The following ST8SIA5 variants were observed in gnomAD, a reference collection of about 807,000 sequenced individuals.
ST8SIA5 encodes the protein ST8 alpha-N-acetyl-neuraminide alpha-2,8-sialyltransferase 5, also known as alpha-2,8-sialyltransferase 8E.
ST8SIA5 carries 24 observed loss-of-function variants against 40.2 expected under a neutral mutation model. That is an observed-to-expected ratio of 0.60 (90% CI 0.43 to 0.84). ST8SIA5 has a LOEUF of 0.84. Ranked by LOEUF, ST8SIA5 falls within the 40% of genes least tolerant of loss-of-function variation. The pLI, the probability that ST8SIA5 is intolerant of heterozygous loss-of-function variation, is 0.00. For missense variants in ST8SIA5, 465 were observed against 498.5 expected, an observed-to-expected ratio of 0.93 and a Z score of 0.64; for synonymous variants, 198 against 201.8, an observed-to-expected ratio of 0.98 and a Z score of 0.16.
chr18:46,737,753 C>A (rs2144554899), intron 1 of ST8SIA5, among the ~76,000 whole-genome samples: 1 of 152,174 alleles, frequency 6.6e-6, no homozygotes, highest in Non-Finnish European at 1.5e-5. Flanking sequence ...GCCTCATGAT[C>A]CCTTAGTGAA....
intron 1 of ST8SIA5, among the ~76,000 whole-genome samples, chr18:46,742,949 G>C (rs535612482): frequency 3.7e-4 from 56 of 152,304 alleles, no homozygotes; most frequent in African/African-American, 1.3e-3. Context: ...GGACCTCCAG[G>C]AAACTCCAAT....
chr18:46,727,203 G>A (rs919570433), intron 1 of ST8SIA5, among the ~76,000 whole-genome samples: 2 of 152,218 alleles, frequency 1.3e-5, no homozygotes, highest in South Asian at 4.1e-4. Context: ...TTACTCAAAA[G>A]TTATGTGCCT....
rs899439250 is a variant in ST8SIA5, at chr18:46,706,735, C to T, written c.132-2071G>A. On this transcript the variant is annotated intron_variant, in intron 1 of 6. Transcript: ENST00000315087. Reference sequence around the variant, plus strand: ...CAATTTAGGTTCAGCCAGTTAGAAGCATTTGCATGAGATGGATTCAGACCT... The same window carrying T: ...CAATTTAGGTTCAGCCAGTTAGAAGTATTTGCATGAGATGGATTCAGACCT... Among the ~76,000 whole-genome samples, 40 of 152,142 alleles carry T rather than the reference C, an allele frequency of 2.6e-4. 1 individual carries two copies. The highest frequency in any genetic ancestry group is 2.6e-3 in the Admixed American group (40 of 15,270).
chr18:46,715,433 GA>G (rs1374411563), intron 1 of ST8SIA5, among the ~76,000 whole-genome samples: 1 of 152,182 alleles, frequency 6.6e-6, no homozygotes, highest in East Asian at 1.9e-4. Context: ...AGGCAGGAGG[GA>G]GGAGGACACA....
chr18:46,681,830 A>T, intron 6 of ST8SIA5, 142 bp downstream of exon 6: 2 of 714,102 alleles, frequency 2.8e-6, no homozygotes, highest in Admixed American at 5.8e-5. Flanking sequence ...CTGTTTTTGT[A>T]TTAAGTCTTT....
At chr18:46,684,980 G>C (rs1469939843) in intron 5 of ST8SIA5, among the ~76,000 whole-genome samples, 2 of 152,108 alleles carry the variant, frequency 1.3e-5, no homozygotes, top group African/African-American at 4.8e-5. Context: ...CAGGCAGAGG[G>C]AACAGGACCT....
At position 46,692,197 on chromosome 18, in the gene ST8SIA5, T is replaced by C; in HGVS notation, c.283A>G (p.Met95Val). 1 of 1,614,078 alleles carries C rather than the reference T, an allele frequency of 6.2e-7. No individual in the cohort carries two copies. Among genetic ancestry groups the C allele is most frequent in the Non-Finnish European group, 8.5e-7 (1 of 1,180,018 alleles). ...AACTGGTTGGCCTCAGAGATGTTCA[T>C]CGCCCATTTGCACATCTGGAGGCTC... ...WKSLQMCKWA[M>V]NISEANQFKS... Residue 95 changes from methionine to valine, a missense_variant, in exon 3 of 7, where the codon ATG (methionine) becomes GTG (valine). Physicochemically the swap from Met to Val is conservative, Grantham distance 21. Transcript: ENST00000315087.
At chr18:46,734,970 A>G (rs1371901732) in intron 1 of ST8SIA5, among the ~76,000 whole-genome samples, 1 of 152,208 alleles carries the variant, frequency 6.6e-6, no homozygotes, top group Non-Finnish European at 1.5e-5. Flanking sequence ...CATTTCAGTC[A>G]GTGGACTGGG....
chr18:46,669,812 C>T lies in ST8SIA5; in HGVS notation c.*10230G>A, dbSNP rs2039298330. ...TTTGGCCGGGCACGGTGGCCCACAC[C>T]TATAATCCCAGCACTTTGGGAGGAG... On this transcript the variant is annotated 3_prime_UTR_variant, in exon 7 of 7. Coordinates refer to ENST00000315087, the MANE Select transcript of ST8SIA5 (RefSeq NM_013305.6). 6.6e-6 allele frequency: 1 copy of T among 152,194 alleles called. No homozygotes were observed. The highest frequency in any genetic ancestry group is 2.4e-5 in the African/African-American group (1 of 41,446). The allele number at this position is 152,194 out of a possible 1,614,324, so 9.4% of individuals were successfully genotyped here.
intron 2 of ST8SIA5, among the ~76,000 whole-genome samples, chr18:46,700,545 G>C (rs1480866845): frequency 6.6e-6 from 1 of 152,186 alleles, no homozygotes; most frequent in African/African-American, 2.4e-5. Flanking sequence ...AGGACCTGCT[G>C]ACCCTCAGCT....
At chr18:46,683,971 G>A (rs969267589) in intron 5 of ST8SIA5, among the ~76,000 whole-genome samples, 2 of 151,938 alleles carry the variant, frequency 1.3e-5, no homozygotes, top group Admixed American at 6.5e-5. Context: ...CCTAGGTCTC[G>A]TTCCTAGTGC....
At chr18:46,725,361 G>C (rs981698656) in intron 1 of ST8SIA5, among the ~76,000 whole-genome samples, 1 of 152,138 alleles carries the variant, frequency 6.6e-6, no homozygotes, top group African/African-American at 2.4e-5. Context: ...TAACCAGCTA[G>C]ACTTCTTCCC....
intron 1 of ST8SIA5, among the ~76,000 whole-genome samples, chr18:46,717,123 T>C (rs141381768): frequency 4.1e-4 from 63 of 152,294 alleles, no homozygotes; most frequent in Non-Finnish European, 7.4e-4. Flanking sequence ...GCCATCACCA[T>C]GAGGGCACCG....
intron 3 of ST8SIA5, among the ~76,000 whole-genome samples, chr18:46,689,740 ATTTT>A (rs961770000): frequency 1.6e-5 from 2 of 128,080 alleles, no homozygotes; most frequent in Non-Finnish European, 3.3e-5. Context: ...TGCCTGGCTA[ATTTT>A]TTTTTTTTTT....
chr18:46,681,892 A>C, intron 6 of ST8SIA5, 80 bp downstream of exon 6: 1 of 1,457,704 alleles, frequency 6.9e-7, no homozygotes, highest in Admixed American at 1.9e-5. Context: ...CAGACTAACA[A>C]CACTTCCAGT....
intron 1 of ST8SIA5, among the ~76,000 whole-genome samples, chr18:46,735,305 G>A (rs1447946221): frequency 6.6e-6 from 1 of 152,210 alleles, no homozygotes; most frequent in African/African-American, 2.4e-5. Context: ...GTGATCATGT[G>A]AGTCAATACT....
chr18:46,716,505 G>C (rs969483523), intron 1 of ST8SIA5, among the ~76,000 whole-genome samples: 3 of 152,214 alleles, frequency 2.0e-5, no homozygotes, highest in Non-Finnish European at 4.4e-5. Flanking sequence ...GGACCTCAGA[G>C]ACAAGTGTCT....
intron 1 of ST8SIA5, among the ~76,000 whole-genome samples, chr18:46,737,201 A>T (rs1024902218): frequency 6.6e-6 from 1 of 151,916 alleles, no homozygotes; most frequent in African/African-American, 2.4e-5. Context: ...ATATCCCCAA[A>T]TCCAGTCTCT....
rs755624304 is a variant in ST8SIA5, at chr18:46,686,341, G to T, written c.457-55C>A. 7.4e-5 allele frequency: 108 copies of T among 1,452,118 alleles called. 1 individual carries two copies. Among genetic ancestry groups the T allele is most frequent in the Non-Finnish European group, 9.7e-5 (101 of 1,037,260 alleles). 90.0% of individuals were successfully genotyped at this position (1,452,118 alleles called of 1,614,324 possible). On this transcript the variant is annotated intron_variant, in intron 4 of 6. Transcript: ENST00000315087. The stretch of plus-strand genomic sequence containing the variant: ...GCCAAGCCACCCCCTGCCTCGACCT[G>T]CTACTCTCACCTCTGCAAGCACACC...
Sources: gnomAD v4.1 joint callset for allele counts (sites outside exome capture counted in the v4.1 genomes callset) on GRCh38, gnomAD v4.1.1 for gene constraint, MANE v1.5 for transcripts, NCBI Gene and HGNC (gene_info 2026-07-23, HGNC 2026-07-21) for gene names.